The following BCKDHB variants were observed in gnomAD, a reference collection of about 807,000 sequenced individuals.
The protein encoded by BCKDHB is branched chain keto acid dehydrogenase E1 subunit beta.
A neutral mutation model predicts 48.5 loss-of-function variants in BCKDHB; 41 were observed. That is an observed-to-expected ratio of 0.85 (90% CI 0.66 to 1.10). The LOEUF is 1.10. Among genes scored for constraint, BCKDHB ranks in the 50% least tolerant of loss-of-function variants. BCKDHB has a pLI of 0.00. For missense variants in BCKDHB, 496 were observed against 494.2 expected (o/e 1.00, Z -0.03); for synonymous variants, 201 against 174.8 (o/e 1.15, Z -1.18).
the BCKDHB span, among the ~76,000 whole-genome samples, chr6:80,423,148 C>A: frequency 6.6e-6 from 1 of 152,110 alleles, no homozygotes. Context: ...GGAGTTCTCA[C>A]AAGATCTACT....
intron 1 of BCKDHB, among the ~76,000 whole-genome samples, chr6:80,108,457 A>T (rs982378954): frequency 6.6e-6 from 1 of 151,556 alleles, no homozygotes; most frequent in Non-Finnish European, 1.5e-5. Context: ...AAGTAAAATG[A>T]TATCATGTTA....
At chr6:80,360,441 G>A in the BCKDHB span, among the ~76,000 whole-genome samples, 1 of 152,184 alleles carries the variant, frequency 6.6e-6, no homozygotes, top group South Asian at 2.1e-4. Context: ...AATGGAATTT[G>A]TGGTACTCCT....
chr6:80,327,518 T>C (rs1214996076), intron 9 of BCKDHB, among the ~76,000 whole-genome samples: 1 of 152,226 alleles, frequency 6.6e-6, no homozygotes, highest in African/African-American at 2.4e-5. Context: ...AGAGGTTTAA[T>C]TGACTCACAA....
the BCKDHB span, among the ~76,000 whole-genome samples, chr6:80,359,427 T>G: frequency 1.3e-5 from 2 of 152,176 alleles, no homozygotes; most frequent in Non-Finnish European, 2.9e-5. Context: ...ACTTTCTTCC[T>G]TGGAAACTCA....
the BCKDHB span, among the ~76,000 whole-genome samples, chr6:80,383,782 T>C: frequency 2.0e-5 from 3 of 152,146 alleles, no homozygotes; most frequent in Non-Finnish European, 4.4e-5. Context: ...GGAGCTAGTC[T>C]TGTAGCATAT....
the BCKDHB span, among the ~76,000 whole-genome samples, chr6:80,385,813 C>T: frequency 3.3e-5 from 5 of 152,074 alleles, no homozygotes; most frequent in Non-Finnish European, 7.4e-5. Flanking sequence ...GGAATCTGGA[C>T]AACAGGCATG....
At chr6:80,429,427 G>A in the BCKDHB span, among the ~76,000 whole-genome samples, 3 of 152,188 alleles carry the variant, frequency 2.0e-5, no homozygotes, top group African/African-American at 7.2e-5. Context: ...ATGGTAGCTT[G>A]ATTGGAATAG....
the BCKDHB span, among the ~76,000 whole-genome samples, chr6:80,412,878 T>C: frequency 6.6e-6 from 1 of 152,310 alleles, no homozygotes; most frequent in African/African-American, 2.4e-5. Flanking sequence ...CTGCTGACAG[T>C]CTTATGAAGG....
At position 80,168,960 on chromosome 6, in the gene BCKDHB, G is replaced by C. The variant is rs770666012; in HGVS notation, c.563G>C (p.Cys188Ser). The change falls in exon 5 of 10, where the codon TGT becomes TCT. Residue 188 changes from cysteine to serine, a missense_variant. Cys to Ser is a moderately radical substitution (Grantham distance 112). Coordinates refer to ENST00000320393, the MANE Select transcript of BCKDHB (RefSeq NM_183050.4). ...GSLTIRSPWG[C>S]VGHGALYHSQ... is the part of the protein sequence containing the mutation. Reference sequence around the variant, plus strand: ...CTCACTATCCGGTCCCCTTGGGGCTGTGTTGGTCATGGGGCTCTCTATCAT... The same window carrying C: ...CTCACTATCCGGTCCCCTTGGGGCTCTGTTGGTCATGGGGCTCTCTATCAT... 6.2e-7 allele frequency: 1 copy of C among 1,614,206 alleles called. No homozygotes were observed. Among genetic ancestry groups the C allele is most frequent in the Non-Finnish European group, 8.5e-7 (1 of 1,180,022 alleles).
At chr6:80,268,524 A>T (rs1445016712) in intron 8 of BCKDHB, among the ~76,000 whole-genome samples, 3 of 152,054 alleles carry the variant, frequency 2.0e-5, no homozygotes, top group African/African-American at 7.2e-5. Flanking sequence ...TTTTAACCTT[A>T]TCAGCAGGCA....
chr6:80,416,567 A>G, the BCKDHB span, among the ~76,000 whole-genome samples: 2 of 151,788 alleles, frequency 1.3e-5, no homozygotes, highest in Non-Finnish European at 2.9e-5. Flanking sequence ...AGGTTATTCA[A>G]CTTCCATGTC....
At chr6:80,132,186 T>C (rs1357751514) in intron 3 of BCKDHB, among the ~76,000 whole-genome samples, 1 of 151,874 alleles carries the variant, frequency 6.6e-6, no homozygotes, top group African/African-American at 2.4e-5. Context: ...CCTGGTAGAC[T>C]CCTATTTCTT....
chr6:80,337,209 C>A (rs537475167), intron 9 of BCKDHB, among the ~76,000 whole-genome samples: 13 of 152,152 alleles, frequency 8.5e-5, no homozygotes, highest in African/African-American at 3.1e-4. Flanking sequence ...AGATTTAAAA[C>A]AAATTTAAAG....
intron 9 of BCKDHB, among the ~76,000 whole-genome samples, chr6:80,291,151 C>G (rs995562232): frequency 6.6e-6 from 1 of 152,196 alleles, no homozygotes; most frequent in Non-Finnish European, 1.5e-5. Context: ...TTTTACCCAG[C>G]CTTTATTCAA....
intron 9 of BCKDHB, among the ~76,000 whole-genome samples, chr6:80,309,188 C>T (rs377408954): frequency 4.6e-4 from 70 of 151,942 alleles, no homozygotes; most frequent in African/African-American, 1.3e-3. Context: ...CTCAGCCTCC[C>T]GAATAGCTGG....
chr6:80,448,888 G>A, the BCKDHB span, among the ~76,000 whole-genome samples: 25 of 152,076 alleles, frequency 1.6e-4, no homozygotes, highest in East Asian at 5.8e-4. Context: ...TCAATGTCAC[G>A]CAAAATACCC....
At chr6:80,375,048 A>C in the BCKDHB span, among the ~76,000 whole-genome samples, 4 of 151,978 alleles carry the variant, frequency 2.6e-5, no homozygotes, top group African/African-American at 9.7e-5. Context: ...TCCCTTTATA[A>C]GTTACCTGAT....
intron 9 of BCKDHB, among the ~76,000 whole-genome samples, chr6:80,338,813 A>T (rs561846970): frequency 1.3e-5 from 2 of 152,350 alleles, no homozygotes; most frequent in East Asian, 1.9e-4. Context: ...ATCTAAGTAG[A>T]CATAGAGGCA....
intron 3 of BCKDHB, among the ~76,000 whole-genome samples, chr6:80,144,094 G>C (rs1436205795): frequency 6.6e-6 from 1 of 152,070 alleles, no homozygotes; most frequent in African/African-American, 2.4e-5. Context: ...AAAAGTGGAT[G>C]TTCCTCAAAA....
Sources: allele counts gnomAD v4.1 joint callset (sites outside exome capture counted in the v4.1 genomes callset), GRCh38; gene constraint gnomAD v4.1.1; transcripts MANE v1.5; gene names NCBI Gene and HGNC (gene_info 2026-07-23, HGNC 2026-07-21).